Variants in TENM4 observed in about 807,000 individuals in gnomAD.
The protein encoded by TENM4 is teneurin transmembrane protein 4.
In TENM4, 82 loss-of-function variants were observed where a neutral mutation model predicts 243.3. The observed-to-expected ratio is 0.34, with a 90% CI of 0.28 to 0.40. TENM4 has a LOEUF of 0.40. Among genes scored for constraint, TENM4 ranks in the 10% least tolerant of loss-of-function variants. The probability of loss-of-function intolerance (pLI) is 1.00; values close to 1 mark genes in which losing one functional copy is unlikely to be tolerated. For missense variants in TENM4, 3,138 were observed against 3,673.3 expected, an observed-to-expected ratio of 0.85 and a Z score of 3.77; for synonymous variants, 1,412 against 1,456.3, an observed-to-expected ratio of 0.97 and a Z score of 0.69.
intron 2 of TENM4, among the ~76,000 whole-genome samples, chr11:79,248,776 T>C (rs1855562750): frequency 1.3e-5 from 2 of 152,022 alleles, no homozygotes; most frequent in South Asian, 4.2e-4. Flanking sequence ...CTGCAGAGAC[T>C]TTTTTTTCCC....
intron 4 of TENM4, among the ~76,000 whole-genome samples, chr11:79,094,187 T>C (rs1304864568): frequency 1.3e-5 from 2 of 151,632 alleles, no homozygotes; most frequent in African/African-American, 2.4e-5. Flanking sequence ...CAAGCATGGG[T>C]TTTGGGGCCA....
intron 21 of TENM4, among the ~76,000 whole-genome samples, chr11:78,731,208 A>G (rs1855659671): frequency 6.6e-6 from 1 of 152,164 alleles, no homozygotes; most frequent in Non-Finnish European, 1.5e-5. Context: ...GCTGGAGCTG[A>G]GCCAGGGTTG....
Position 78,740,449 on chromosome 11 carries a change from A to G in TENM4, c.2757-1879T>C, listed in dbSNP as rs897307317. On this transcript the variant is annotated intron_variant, in intron 19 of 33. Coordinates refer to ENST00000278550, the MANE Select transcript of TENM4 (RefSeq NM_001098816.3). ...TTCCGAGGCCCTTGGTCTAAATGCA[A>G]TTACACGGCAAACAAGTTAAGCGGG... 4.6e-5 allele frequency among the ~76,000 whole-genome samples: 7 copies of G among 152,046 alleles called. No individual in the cohort carries two copies. The South Asian group carries it at 6.2e-4, about 14-fold the overall frequency.
At chr11:79,122,677 A>G (rs1861767005) in intron 4 of TENM4, among the ~76,000 whole-genome samples, 1 of 152,180 alleles carries the variant, frequency 6.6e-6, no homozygotes, top group African/African-American at 2.4e-5. Flanking sequence ...GCATAAAAAG[A>G]ACAAGAGTCC....
intron 4 of TENM4, among the ~76,000 whole-genome samples, chr11:79,106,874 C>T (rs1489092724): frequency 6.6e-6 from 1 of 152,192 alleles, no homozygotes; most frequent in African/African-American, 2.4e-5. Context: ...AGATGAAGAA[C>T]AGCATGAATA....
chr11:79,080,313 G>C (rs901643576), intron 4 of TENM4, among the ~76,000 whole-genome samples: 4 of 152,220 alleles, frequency 2.6e-5, no homozygotes, highest in African/African-American at 9.6e-5. Context: ...AGAGCCCACA[G>C]GAATGTCAGA....
chr11:79,422,127 C>T (rs1298576913), intron 1 of TENM4: 2 of 154,070 alleles, frequency 1.3e-5, no homozygotes, highest in African/African-American at 4.8e-5. Context: ...TGAGGCTCAT[C>T]TTCTCAACTC....
chr11:79,227,003 A>G (rs1185885013), intron 2 of TENM4, among the ~76,000 whole-genome samples: 1 of 152,144 alleles, frequency 6.6e-6, no homozygotes, highest in Non-Finnish European at 1.5e-5. Context: ...CTCTGCAGGG[A>G]GCTACATTTC....
At chr11:79,052,410 A>G (rs1182837763) in intron 6 of TENM4, among the ~76,000 whole-genome samples, 1 of 152,202 alleles carries the variant, frequency 6.6e-6, no homozygotes, top group Non-Finnish European at 1.5e-5. Flanking sequence ...TGTTGGCCGC[A>G]TGTATATCTT....
chr11:78,871,353 T>C (rs1040411038), intron 9 of TENM4, among the ~76,000 whole-genome samples: 1 of 106,726 alleles, frequency 9.4e-6, no homozygotes, highest in Non-Finnish European at 2.3e-5. Context: ...GCTCTCTTTG[T>C]TGGCATCATC....
intron 3 of TENM4, among the ~76,000 whole-genome samples, chr11:79,206,945 T>C (rs763016812): frequency 2.6e-5 from 4 of 152,106 alleles, no homozygotes; most frequent in Admixed American, 1.3e-4. Flanking sequence ...CAGTGACAAA[T>C]TCATGATATA....
chr11:79,122,577 C>T (rs1861765310), intron 4 of TENM4, among the ~76,000 whole-genome samples: 2 of 152,196 alleles, frequency 1.3e-5, no homozygotes, highest in South Asian at 4.1e-4. Flanking sequence ...TGGTGACTGA[C>T]TGGATATGGG....
intron 6 of TENM4, among the ~76,000 whole-genome samples, chr11:78,923,197 G>T (rs761794007): frequency 6.6e-6 from 1 of 152,144 alleles, no homozygotes; most frequent in Non-Finnish European, 1.5e-5. Flanking sequence ...CAGAGGGCCC[G>T]TGTTTGGTTT....
intron 27 of TENM4, among the ~76,000 whole-genome samples, chr11:78,705,791 A>G (rs1408708173): frequency 6.6e-6 from 1 of 152,240 alleles, no homozygotes; most frequent in Non-Finnish European, 1.5e-5. Flanking sequence ...CAGTTCCACA[A>G]TTGCTACATG....
intron 15 of TENM4, among the ~76,000 whole-genome samples, chr11:78,804,514 T>C (rs1857349290): frequency 6.6e-6 from 1 of 152,208 alleles, no homozygotes; most frequent in Non-Finnish European, 1.5e-5. Flanking sequence ...ACCTATACTG[T>C]GCTAGGTGAC....
At chr11:79,103,114 G>A (rs951489734) in intron 4 of TENM4, among the ~76,000 whole-genome samples, 1 of 152,074 alleles carries the variant, frequency 6.6e-6, no homozygotes, top group Non-Finnish European at 1.5e-5. Context: ...CACTGGCGGT[G>A]CCGCTGTCCC....
chr11:79,306,534 T>A, intron 1 of TENM4, among the ~76,000 whole-genome samples: 1 of 152,182 alleles, frequency 6.6e-6, no homozygotes, highest in East Asian at 1.9e-4. Flanking sequence ...ATAGGTGGGC[T>A]GAGGTCGTGC....
At chr11:79,315,360 A>C (rs1856786149) in intron 1 of TENM4, among the ~76,000 whole-genome samples, 1 of 152,116 alleles carries the variant, frequency 6.6e-6, no homozygotes, top group African/African-American at 2.4e-5. Flanking sequence ...TCTGTGTAGA[A>C]AAGAGAAAAA....
intron 4 of TENM4, among the ~76,000 whole-genome samples, chr11:79,124,200 T>A (rs72933193): frequency 6.6e-6 from 1 of 152,102 alleles, no homozygotes; most frequent in Admixed American, 6.5e-5. Context: ...TCTTCCACAA[T>A]GGTGTGATGG....
Sources: gnomAD v4.1 joint callset for allele counts (sites outside exome capture counted in the v4.1 genomes callset) on GRCh38, gnomAD v4.1.1 for gene constraint, MANE v1.5 for transcripts, NCBI Gene and HGNC (gene_info 2026-07-23, HGNC 2026-07-21) for gene names.